Variants in C8orf34 observed in about 807,000 individuals in gnomAD.
C8orf34 encodes the protein chromosome 8 open reading frame 34.
Under a neutral mutation model 68.3 loss-of-function variants are expected in C8orf34, and 65 were observed. The observed-to-expected ratio is 0.95, with a 90% CI of 0.78 to 1.17. C8orf34 has a LOEUF of 1.17. Ranked by LOEUF, C8orf34 falls within the 50% of genes most tolerant of loss-of-function variation. The pLI is 0.00. For synonymous variants in C8orf34, 244 were observed against 241.2 expected (o/e 1.01, Z -0.11); for missense variants, 664 against 655.4 (o/e 1.01, Z -0.14).
intron 7 of C8orf34, among the ~76,000 whole-genome samples, chr8:68,583,348 T>C (rs1267549658): frequency 6.6e-6 from 1 of 152,192 alleles, no homozygotes; most frequent in African/African-American, 2.4e-5. Flanking sequence ...TTAATGTTTC[T>C]AACAACTAAT....
intron 7 of C8orf34, among the ~76,000 whole-genome samples, chr8:68,604,647 G>A (rs190851724): frequency 1.3e-5 from 2 of 152,160 alleles, no homozygotes; most frequent in Admixed American, 1.3e-4. Context: ...GAACAACTGG[G>A]CATCCTCATT....
Position 68,813,240 on chromosome 8 carries a change from T to C in C8orf34, c.1550-2646T>C, listed in dbSNP as rs541571078. On this transcript the variant is annotated intron_variant, in intron 12 of 13. Coordinates refer to ENST00000518698, the MANE Select transcript of C8orf34 (RefSeq NM_052958.4). ...CACAAGTATAGGAAATAATGGGCTA[T>C]CCCTAGTATAGGGGGAGTCCTACTT... 2.0e-5 allele frequency among the ~76,000 whole-genome samples: 3 copies of C among 152,308 alleles called. No homozygotes were observed. The East Asian group carries it at 5.8e-4, about 29-fold the overall frequency.
At chr8:68,493,698 C>T (rs78675186) in intron 5 of C8orf34, among the ~76,000 whole-genome samples, 2,696 of 152,144 alleles carry the variant, frequency 0.018, 79 homozygotes, top group African/African-American at 0.062. Context: ...CTTTAGGAGG[C>T]GATTAGGCCA....
At chr8:68,590,572 C>A (rs576513393) in intron 7 of C8orf34, among the ~76,000 whole-genome samples, 2 of 151,990 alleles carry the variant, frequency 1.3e-5, no homozygotes, top group Admixed American at 1.3e-4. Flanking sequence ...AATTTTTATC[C>A]CCTGTCGAAG....
chr8:68,754,563 A>C (rs1457131003), intron 10 of C8orf34, among the ~76,000 whole-genome samples: 1 of 152,244 alleles, frequency 6.6e-6, no homozygotes, highest in Non-Finnish European at 1.5e-5. Flanking sequence ...GAATAAATCT[A>C]GAGCCTGGGA....
chr8:68,805,304 T>C lies in C8orf34; in HGVS notation c.1550-10582T>C, dbSNP rs79213048. Among the ~76,000 whole-genome samples the C allele has an allele frequency of 2.9e-3, 444 of 152,294 alleles. 2 individuals carry two copies. Among genetic ancestry groups the C allele is most frequent in the African/African-American group, 0.01 (428 of 41,558 alleles). Reference sequence around the variant, plus strand: ...AAGTTCTAGGAAAACAATGGTAAAATGTATTTTGCTGTTGTTGGGTGGAGT... The same window carrying C: ...AAGTTCTAGGAAAACAATGGTAAAACGTATTTTGCTGTTGTTGGGTGGAGT... On this transcript the variant is annotated intron_variant, in intron 12 of 13. Coordinates refer to ENST00000518698, the MANE Select transcript of C8orf34 (RefSeq NM_052958.4).
intron 5 of C8orf34, among the ~76,000 whole-genome samples, chr8:68,494,558 A>G (rs891913942): frequency 6.6e-6 from 1 of 152,182 alleles, no homozygotes; most frequent in African/African-American, 2.4e-5. Context: ...CTGTAACTAA[A>G]AAATATAGTC....
chr8:68,336,608 C>G (rs1805861809), intron 1 of C8orf34, among the ~76,000 whole-genome samples: 1 of 152,054 alleles, frequency 6.6e-6, no homozygotes, highest in South Asian at 2.1e-4. Flanking sequence ...TTTACATATA[C>G]TTAAGTGCAT....
At chr8:68,392,441 AAT>A (rs1386829317) in intron 1 of C8orf34, among the ~76,000 whole-genome samples, 1 of 151,962 alleles carries the variant, frequency 6.6e-6, no homozygotes, top group Non-Finnish European at 1.5e-5. Flanking sequence ...GAAGCAAAAT[AAT>A]ATGTTACCCT....
chr8:68,348,769 G>T (rs1347521922), intron 1 of C8orf34, among the ~76,000 whole-genome samples: 1 of 151,690 alleles, frequency 6.6e-6, no homozygotes, highest in Non-Finnish European at 1.5e-5. Flanking sequence ...TATCAGTTTG[G>T]CTGTTGTTGG....
intron 3 of C8orf34, among the ~76,000 whole-genome samples, chr8:68,461,644 G>C (rs4737909): frequency 0.64 from 96,811 of 152,008 alleles, 30,908 homozygotes; most frequent in East Asian, 0.69. Context: ...ATTCAACATT[G>C]TTAAAGAAAA....
chr8:68,759,520 A>G (rs936421083), intron 10 of C8orf34, among the ~76,000 whole-genome samples: 1 of 152,226 alleles, frequency 6.6e-6, no homozygotes, highest in Non-Finnish European at 1.5e-5. Context: ...AGCTTTCTCA[A>G]CAGTGAACTC....
chr8:68,523,086 G>T (rs962519850), intron 6 of C8orf34, among the ~76,000 whole-genome samples: 2 of 152,238 alleles, frequency 1.3e-5, no homozygotes, highest in East Asian at 1.9e-4. Flanking sequence ...ATTTCCATGA[G>T]AAATAACTTT....
rs199963622 is a variant in C8orf34 at position 68,676,662 on chromosome 8, C to CA, written c.1242-32326dup. Among the ~76,000 whole-genome samples, 815 of 152,216 alleles carry CA rather than the reference C, an allele frequency of 5.4e-3. 10 individuals carry two copies. The highest frequency in any genetic ancestry group is 0.019 in the African/African-American group (782 of 41,528). On this transcript the variant is annotated intron_variant, in intron 8 of 13. Coordinates refer to ENST00000518698, the MANE Select transcript of C8orf34 (RefSeq NM_052958.4). The stretch of plus-strand genomic sequence containing the variant: ...TCAAGGATAGACATATGTTAGGCCA[C>CA]AAAAAATCTATAAATTTTTAAAATA...
At chr8:68,424,817 G>A (rs1443130959) in intron 1 of C8orf34, among the ~76,000 whole-genome samples, 1 of 152,036 alleles carries the variant, frequency 6.6e-6, no homozygotes, top group Non-Finnish European at 1.5e-5. Context: ...GTAGAATGGT[G>A]TGAACCTGGG....
At chr8:68,372,663 A>G (rs1461072756) in intron 1 of C8orf34, among the ~76,000 whole-genome samples, 2 of 152,206 alleles carry the variant, frequency 1.3e-5, no homozygotes, top group East Asian at 3.9e-4. Flanking sequence ...CAGGTTTGTT[A>G]CATAGGTATA....
At chr8:68,330,878 A>G, upstream of C8orf34, 1 of 728,676 alleles carries the variant, frequency 1.4e-6, no homozygotes, top group South Asian at 2.4e-5. Flanking sequence ...GCGCCCCTCG[A>G]CACAGCTCGC....
chr8:68,404,441 T>C (rs1809098681), intron 1 of C8orf34, among the ~76,000 whole-genome samples: 1 of 152,214 alleles, frequency 6.6e-6, no homozygotes, highest in East Asian at 1.9e-4. Context: ...AGTCATGAAG[T>C]CCTTGCCCAT....
At chr8:68,393,184 G>A (rs999402508) in intron 1 of C8orf34, among the ~76,000 whole-genome samples, 7 of 152,064 alleles carry the variant, frequency 4.6e-5, no homozygotes, top group Non-Finnish European at 7.4e-5. Flanking sequence ...CCAGGGGAGA[G>A]TTTTAATCTG....
Sources: gnomAD v4.1 joint callset for allele counts (sites outside exome capture counted in the v4.1 genomes callset) on GRCh38, gnomAD v4.1.1 for gene constraint, MANE v1.5 for transcripts, NCBI Gene and HGNC (gene_info 2026-07-23, HGNC 2026-07-21) for gene names.